Variants in CFH observed in about 807,000 individuals in gnomAD.
The protein encoded by CFH is H factor 1 (complement).
A neutral mutation model predicts 147.3 loss-of-function variants in CFH; 53 were observed. The ratio of observed to expected loss-of-function variants is 0.36; its 90% CI spans 0.29 to 0.45. CFH has a LOEUF of 0.45. Ranked by LOEUF, CFH falls within the 20% of genes least tolerant of loss-of-function variation. The pLI is 1.00. For synonymous variants in CFH, 536 were observed against 489.4 expected (o/e 1.10, Z -1.26); for missense variants, 1,380 against 1,498.0 (o/e 0.92, Z 1.30).
At chr1:196,698,954 A>G (rs977416363) in intron 9 of CFH, among the ~76,000 whole-genome samples, 1 of 152,176 alleles carries the variant, frequency 6.6e-6, no homozygotes, top group African/African-American at 2.4e-5. Context: ...GACAAAAAAC[A>G]CATAATTAAC....
chr1:196,738,503 G>C (rs1268097026), intron 17 of CFH, among the ~76,000 whole-genome samples: 1 of 152,186 alleles, frequency 6.6e-6, no homozygotes, highest in African/African-American at 2.4e-5. Flanking sequence ...CCAAAAGGGA[G>C]GAAATGGCTG....
Position 196,673,362 on chromosome 1 carries a change from G to A in CFH, c.244+199G>A. 5.2e-6 allele frequency: 3 copies of A among 580,450 alleles called. 1 individual carries two copies. Among genetic ancestry groups the A allele is most frequent in the East Asian group, 6.2e-5 (2 of 32,268 alleles). The allele number at this position is 580,450 out of a possible 1,614,324, so 36.0% of individuals were successfully genotyped here. On this transcript the variant is annotated intron_variant, in intron 2 of 21. Transcript: ENST00000367429. ...AGTGCAGTGGCGCAATTTTGAGATG[G>A]AGTCTCCCTCTATCGCCTGGCTGGA...
intron 5 of CFH, chr1:196,679,034 A>G (rs1667555668): frequency 6.5e-6 from 1 of 152,922 alleles, no homozygotes; most frequent in Non-Finnish European, 1.5e-5. Flanking sequence ...AAAATGGATT[A>G]GAAAGTGGGA....
intron 9 of CFH, among the ~76,000 whole-genome samples, chr1:196,709,365 A>G (rs1310934136): frequency 6.6e-6 from 1 of 152,146 alleles, no homozygotes; most frequent in Admixed American, 6.6e-5. Flanking sequence ...CCAGCACCCT[A>G]AGCTGGGTAT....
intron 2 of CFH, 94 bp from the exon 3 acceptor site, chr1:196,673,762 CT>C (rs1667363483): frequency 3.7e-6 from 3 of 819,270 alleles, no homozygotes; most frequent in Non-Finnish European, 4.3e-6. Context: ...AATCTGTCTT[CT>C]TATATAATAT....
intron 20 of CFH, among the ~76,000 whole-genome samples, chr1:196,744,350 T>G (rs1356057933): frequency 6.6e-6 from 1 of 152,130 alleles, no homozygotes; most frequent in East Asian, 1.9e-4. Context: ...AGGACTTAAA[T>G]CTCTGTCGTT....
At position 196,743,474 on chromosome 1, in the gene CFH, C is replaced by T. The variant is rs764539113; in HGVS notation, c.3156C>T (p.Pro1052=). The T allele has an allele frequency of 7.4e-6, 12 of 1,613,946 alleles. 1 individual carries two copies. Among genetic ancestry groups the T allele is most frequent in the Non-Finnish European group, 8.5e-7 (1 of 1,179,916 alleles). The change falls in exon 20 of 22, where the codon CCC becomes CCT. Residue 1052 remains proline, a synonymous_variant. Transcript: ENST00000367429. ...CAGACACCTCCTGTGTGAATCCGCC[C>T]ACAGTACAAAATGCTTATATAGTGT... The part of the protein sequence containing the change: ...TCRDTSCVNP[P]TVQNAYIVSR...
At chr1:196,711,060 A>G (rs1280114542) in intron 9 of CFH, among the ~76,000 whole-genome samples, 1 of 152,018 alleles carries the variant, frequency 6.6e-6, no homozygotes, top group East Asian at 1.9e-4. Context: ...TTGCTGTTAT[A>G]AGCAATTTGT....
rs143302298 is a variant in CFH, at chr1:196,697,615, T to C, written c.1336+7376T>C. Among the ~76,000 whole-genome samples, 1,168 of 152,118 alleles carry C rather than the reference T, an allele frequency of 7.7e-3. 11 individuals carry two copies. The highest frequency in any genetic ancestry group is 0.026 in the African/African-American group (1,090 of 41,498). On this transcript the variant is annotated intron_variant, in intron 9 of 21. Transcript: ENST00000367429. ...CATTGTCTAGATCCTCAGGGATCTA[T>C]AACTAGAAATACCATTTGACCTAGC...
At chr1:196,692,766 C>CCCTTCCTTTCTT (rs1668093198) in intron 9 of CFH, among the ~76,000 whole-genome samples, 448 of 32,504 alleles carry the variant, frequency 0.014, 2 homozygotes, top group African/African-American at 0.042. Flanking sequence ...TTCTTTCTTT[C>CCCTTCCTTTCTT]TTTCTTTCTT....
chr1:196,670,138 A>G (rs183598174), intron 1 of CFH, among the ~76,000 whole-genome samples: 4 of 152,226 alleles, frequency 2.6e-5, no homozygotes, highest in African/African-American at 9.6e-5. Flanking sequence ...CATTTACCCA[A>G]TGCCTGTATT....
rs145915639 is a variant in CFH at position 196,715,001 on chromosome 1, T to C, written c.1520-592T>C. ...TTTAATATACTCATGTTAAGTGAAG[T>C]GAATAAGGTATTCATGTATACTGTT... is the stretch of plus-strand genomic sequence containing the variant. On this transcript the variant is annotated intron_variant, in intron 10 of 21. Transcript: ENST00000367429. 3.4e-4 allele frequency among the ~76,000 whole-genome samples: 52 copies of C among 152,098 alleles called. 2 individuals are homozygous for C. The East Asian group carries it at 9.7e-3, about 28-fold the overall frequency.
chr1:196,737,469 A>G lies in CFH; in HGVS notation c.2597-6A>G, dbSNP rs1239208689. 2.5e-6 allele frequency: 4 copies of G among 1,604,276 alleles called. No homozygotes were observed. Among genetic ancestry groups the G allele is most frequent in the Non-Finnish European group, 3.4e-6 (4 of 1,172,450 alleles). On this transcript the variant is annotated splice_region_variant and splice_polypyrimidine_tract_variant and intron_variant, in intron 16 of 21. Transcript: ENST00000367429. ...TTTAACCCTTTGATTTTCATTCTTC[A>G]TTTAGAAAAAATTCCATGTTCACAA... is the stretch of plus-strand genomic sequence containing the variant.
At chr1:196,663,464 AT>A (rs1666973459) in intron 1 of CFH, among the ~76,000 whole-genome samples, 1 of 152,220 alleles carries the variant, frequency 6.6e-6, no homozygotes, top group Non-Finnish European at 1.5e-5. Flanking sequence ...CTCAGATATC[AT>A]TAGTCAAACT....
chr1:196,739,074 C>T (rs1464321582), intron 17 of CFH, among the ~76,000 whole-genome samples: 1 of 152,226 alleles, frequency 6.6e-6, no homozygotes, highest in East Asian at 1.9e-4. Flanking sequence ...TTGTTGGCCC[C>T]TTTTAGCCAC....
At chr1:196,652,857 G>GT (rs1325173158) in intron 1 of CFH, among the ~76,000 whole-genome samples, 1 of 151,722 alleles carries the variant, frequency 6.6e-6, no homozygotes, top group Non-Finnish European at 1.5e-5. Flanking sequence ...TCTGACCTCA[G>GT]TAAGACAATT....
In CFH at chr1:196,703,949, C is replaced by CA. The variant is rs1321180361; in HGVS notation, c.1337-9785dup. Among the ~76,000 whole-genome samples the CA allele has an allele frequency of 1.5e-4, 21 of 138,224 alleles. No individual in the cohort carries two copies. The Admixed American group carries it at 1.6e-3, about 11-fold the overall frequency. The allele number at this position is 138,224 out of a possible 152,430, so 90.7% of individuals were successfully genotyped here. ...CAAGTGAGCCAAGATCATGCCACTG[C>CA]ACTCCAGCCTGGGGGACAGAGCAAG... On this transcript the variant is annotated intron_variant, in intron 9 of 21. Transcript: ENST00000367429.
chr1:196,726,719 A>G, intron 13 of CFH, 42 bp from the exon 14 acceptor site: 5 of 1,606,102 alleles, frequency 3.1e-6, no homozygotes, highest in Non-Finnish European at 3.4e-6. Context: ...AAACACATAC[A>G]TCATGTTTTC....
intron 7 of CFH, among the ~76,000 whole-genome samples, chr1:196,686,717 T>A (rs1558160417): frequency 6.6e-6 from 1 of 152,116 alleles, no homozygotes; most frequent in Non-Finnish European, 1.5e-5. Context: ...ATTTTATGGT[T>A]GGCTTATGAC....
Sources: allele counts gnomAD v4.1 joint callset (sites outside exome capture counted in the v4.1 genomes callset), GRCh38; gene constraint gnomAD v4.1.1; transcripts MANE v1.5; gene names NCBI Gene and HGNC (gene_info 2026-07-23, HGNC 2026-07-21).